TNIP3: variants seen among roughly 807,000 people sequenced by gnomAD.
TNIP3 encodes the protein TNFAIP3-interacting protein 3.
TNIP3 carries 34 observed loss-of-function variants against 54.1 expected under a neutral mutation model. The observed-to-expected ratio is 0.63, with a 90% CI of 0.48 to 0.84. The LOEUF is 0.84. Ranked by LOEUF, TNIP3 falls within the 40% of genes least tolerant of loss-of-function variation. TNIP3 has a pLI of 0.00. For missense variants in TNIP3, 366 were observed against 387.6 expected (o/e 0.94, Z 0.47); for synonymous variants, 134 against 136.8 (o/e 0.98, Z 0.14).
chr4:121,176,001 C>T (rs1724304909), intron 3 of TNIP3, among the ~76,000 whole-genome samples: 1 of 152,122 alleles, frequency 6.6e-6, no homozygotes, highest in Non-Finnish European at 1.5e-5. Context: ...GAGTGGAATC[C>T]TTTAAAAATC....
At chr4:121,136,250 T>C (rs1445707569) in intron 10 of TNIP3, among the ~76,000 whole-genome samples, 1 of 152,184 alleles carries the variant, frequency 6.6e-6, no homozygotes, top group Admixed American at 6.6e-5. Context: ...GATGAGATTA[T>C]TGAGGGTTAA....
chr4:121,170,798 C>T (rs1460831747), intron 3 of TNIP3, among the ~76,000 whole-genome samples: 1 of 151,980 alleles, frequency 6.6e-6, no homozygotes, highest in Admixed American at 6.6e-5. Context: ...GTAGCTAATT[C>T]TTTCTTTGCT....
chr4:121,185,768 C>A (rs1724977911), intron 2 of TNIP3, among the ~76,000 whole-genome samples: 1 of 152,242 alleles, frequency 6.6e-6, no homozygotes, highest in African/African-American at 2.4e-5. Context: ...TCAGAATGGA[C>A]ACTCAAGCTC....
At chr4:121,204,471 C>T (rs1726071279) in intron 2 of TNIP3, among the ~76,000 whole-genome samples, 1 of 152,110 alleles carries the variant, frequency 6.6e-6, no homozygotes, top group South Asian at 2.1e-4. Flanking sequence ...GTGCGCTGAC[C>T]ACCTTGGGCA....
chr4:121,142,363 C>A (rs1480731591), intron 8 of TNIP3, among the ~76,000 whole-genome samples: 1 of 152,168 alleles, frequency 6.6e-6, no homozygotes, highest in Admixed American at 6.5e-5. Flanking sequence ...TGCTTCAGTG[C>A]TCAAGAAGGC....
At chr4:121,226,969 C>T (rs528202560) in intron 1 of TNIP3, among the ~76,000 whole-genome samples, 1 of 152,174 alleles carries the variant, frequency 6.6e-6, no homozygotes, top group East Asian at 1.9e-4. Flanking sequence ...TTGTTCAACC[C>T]TGTAATATCC....
chr4:121,166,510 CAG>C (rs1247648236), upstream of TNIP3, among the ~76,000 whole-genome samples: 1 of 152,184 alleles, frequency 6.6e-6, no homozygotes, highest in Non-Finnish European at 1.5e-5. Context: ...TTCAGAGAAA[CAG>C]AGGTGTCATT....
At chr4:121,218,283 T>C (rs997287546), upstream of TNIP3, among the ~76,000 whole-genome samples, 3 of 152,158 alleles carry the variant, frequency 2.0e-5, no homozygotes, top group African/African-American at 7.2e-5. Context: ...TTTAATATTG[T>C]ATAGTTTAAG....
upstream of TNIP3, among the ~76,000 whole-genome samples, chr4:121,221,357 T>C (rs181056734): frequency 1.3e-5 from 2 of 152,254 alleles, no homozygotes; most frequent in East Asian, 3.9e-4. Context: ...GAAAAAGGAA[T>C]TCACTTAGCC....
chr4:121,215,784 A>G (rs1376794594), intron 2 of TNIP3, among the ~76,000 whole-genome samples: 3 of 151,452 alleles, frequency 2.0e-5, no homozygotes, highest in Non-Finnish European at 4.4e-5. Flanking sequence ...ATGGCTTTTC[A>G]CTTCTAAACT....
chr4:121,167,633 A>G (rs935053659), upstream of TNIP3, among the ~76,000 whole-genome samples: 4 of 152,226 alleles, frequency 2.6e-5, no homozygotes, highest in African/African-American at 7.2e-5. Context: ...CTTATAGGCC[A>G]TATGGAGTTA....
intron 2 of TNIP3, among the ~76,000 whole-genome samples, chr4:121,187,788 T>C (rs1408142558): frequency 6.6e-6 from 1 of 152,222 alleles, no homozygotes; most frequent in Non-Finnish European, 1.5e-5. Context: ...GAATAATATG[T>C]GTGCTATGTG....
rs1730622952 is a variant in TNIP3 at position 121,164,101 on chromosome 4, A to T, written c.25T>A (p.Ser9Thr). MAHFVQGT[S>T]RMIAAESSTE... ...GAACTTTCTGCGGCAATCATTCTAG[A>T]TGTGCCCTGTACAAAATGTGCCATG... Residue 9 changes from serine (S) to threonine (T), a missense_variant, in exon 1 of 11, where the codon TCT (serine) becomes ACT (threonine). By Grantham distance (58) the Ser-to-Thr change is moderately conservative (BLOSUM62 1). Transcript: ENST00000057513. The T allele has an allele frequency of 6.2e-7, 1 of 1,613,698 alleles. No homozygotes were observed. The highest frequency in any genetic ancestry group is 1.7e-5 in the Admixed American group (1 of 59,996).
At chr4:121,136,626 C>T (rs2148793003) in intron 10 of TNIP3, 1 of 152,160 alleles carries the variant, frequency 6.6e-6, no homozygotes, top group Admixed American at 6.5e-5. Context: ...AGGAGGATCA[C>T]TTGAGGCCAG....
At chr4:121,148,038 TTGA>T (rs1729533075) in intron 6 of TNIP3, among the ~76,000 whole-genome samples, 2 of 152,206 alleles carry the variant, frequency 1.3e-5, no homozygotes. Flanking sequence ...CATTGACATT[TTGA>T]TGATTTTTTT....
chr4:121,208,258 T>C (rs1427234061), intron 2 of TNIP3, among the ~76,000 whole-genome samples: 1 of 152,174 alleles, frequency 6.6e-6, no homozygotes, highest in African/African-American at 2.4e-5. Context: ...TTAGGAGTCA[T>C]GCAGCCAGAG....
intron 2 of TNIP3, among the ~76,000 whole-genome samples, chr4:121,205,897 G>A (rs1215063968): frequency 2.6e-5 from 4 of 152,126 alleles, no homozygotes. Flanking sequence ...GGCTGGAAAG[G>A]CCTCAGAAAA....
At chr4:121,202,444 C>G (rs1725943923) in intron 2 of TNIP3, among the ~76,000 whole-genome samples, 2 of 152,082 alleles carry the variant, frequency 1.3e-5, no homozygotes, top group African/African-American at 4.8e-5. Context: ...AATATAAGAC[C>G]TGAAACCATA....
At chr4:121,214,477 G>A (rs537740778) in intron 2 of TNIP3, among the ~76,000 whole-genome samples, 1 of 152,288 alleles carries the variant, frequency 6.6e-6, no homozygotes, top group African/African-American at 2.4e-5. Flanking sequence ...TGGGACTCAG[G>A]AGCTCACACA....
Sources: gnomAD v4.1 joint callset for allele counts (sites outside exome capture counted in the v4.1 genomes callset) on GRCh38, gnomAD v4.1.1 for gene constraint, MANE v1.5 for transcripts, NCBI Gene and HGNC (gene_info 2026-07-23, HGNC 2026-07-21) for gene names.